Variants in SGCZ observed in about 807,000 individuals in gnomAD.
SGCZ encodes the protein zeta-sarcoglycan.
SGCZ carries 40 observed loss-of-function variants against 41.3 expected under a neutral mutation model. That is an observed-to-expected ratio of 0.97 (90% CI 0.75 to 1.26). SGCZ has a LOEUF of 1.26. Among genes scored for constraint, SGCZ ranks in the 50% most tolerant of loss-of-function variants. The pLI, the probability that SGCZ is intolerant of heterozygous loss-of-function variation, is 0.00. For synonymous variants in SGCZ, 206 were observed against 137.5 expected, an observed-to-expected ratio of 1.50 and a Z score of -3.49; for missense variants, 552 against 369.8, an observed-to-expected ratio of 1.49 and a Z score of -4.04.
chr8:14,190,797 T>A (rs528331525), intron 4 of SGCZ, among the ~76,000 whole-genome samples: 24 of 151,908 alleles, frequency 1.6e-4, no homozygotes, highest in Non-Finnish European at 2.9e-4. Context: ...AGAGACGGCG[T>A]TTCACTGTGT....
chr8:15,129,902 G>A (rs996422496), intron 1 of SGCZ, among the ~76,000 whole-genome samples: 4 of 151,898 alleles, frequency 2.6e-5, no homozygotes, highest in Non-Finnish European at 5.9e-5. Context: ...CTTGTTTTAT[G>A]AAGTCGGATA....
chr8:14,637,438 G>A lies in SGCZ; in HGVS notation c.40-82512C>T, dbSNP rs865791725. Among the ~76,000 whole-genome samples the A allele has an allele frequency of 4.9e-4, 75 of 151,720 alleles. No homozygotes were observed. The Middle Eastern group carries it at 0.014, about 28-fold the overall frequency. On this transcript the variant is annotated intron_variant, in intron 1 of 7. Transcript: ENST00000382080. ...TCACTCAGATAATGAACATAGTACA[G>A]AATAGGCGATTTTTCAACCCACATA...
intron 1 of SGCZ, among the ~76,000 whole-genome samples, chr8:14,961,864 T>C (rs904795351): frequency 3.9e-5 from 6 of 152,180 alleles, no homozygotes; most frequent in African/African-American, 1.4e-4. Context: ...TATATGGCAA[T>C]AGGGCCGCAA....
chr8:14,326,111 C>CAAAAAAAAA lies in SGCZ; in HGVS notation c.235-1916_235-1908dup, dbSNP rs56152915. 1.6e-3 allele frequency among the ~76,000 whole-genome samples: 59 copies of CAAAAAAAAA among 37,902 alleles called. 13 individuals carry two copies. Among genetic ancestry groups the CAAAAAAAAA allele is most frequent in the African/African-American group, 5.3e-3 (52 of 9,750 alleles). The allele number at this position is 37,902 out of a possible 152,430, so 24.9% of individuals were successfully genotyped here. A position where few individuals can be genotyped will look rare whatever the true frequency, so the allele number is the denominator to read the frequency against. Reference sequence around the variant, plus strand: ...TGGGCGAAAGAGTGAGACTCCGTCTCAAAAAAAAAAAAAAAAAAAGATGAG... The same window carrying CAAAAAAAAA: ...TGGGCGAAAGAGTGAGACTCCGTCTCAAAAAAAAAAAAAAAAAAAAAAAAAAAAGATGAG... On this transcript the variant is annotated intron_variant, in intron 2 of 7. Transcript: ENST00000382080.
intron 1 of SGCZ, among the ~76,000 whole-genome samples, chr8:14,656,781 T>G (rs1807592649): frequency 6.6e-6 from 1 of 151,942 alleles, no homozygotes; most frequent in South Asian, 2.1e-4. Flanking sequence ...AAACAACATT[T>G]TTTCTAAAAT....
intron 2 of SGCZ, among the ~76,000 whole-genome samples, chr8:14,545,790 T>C (rs1803608334): frequency 6.6e-6 from 1 of 152,226 alleles, no homozygotes; most frequent in Non-Finnish European, 1.5e-5. Flanking sequence ...CTAATTTCTG[T>C]ATTTTTTTAT....
chr8:14,089,980 A>T lies in SGCZ; in HGVS notation c.*463T>A, dbSNP rs998283461. 2 of 152,790 alleles carry T rather than the reference A, an allele frequency of 1.3e-5. No individual in the cohort carries two copies. Among genetic ancestry groups the T allele is most frequent in the African/African-American group, 4.8e-5 (2 of 41,452 alleles). 9.5% of individuals were successfully genotyped at this position (152,790 alleles called of 1,614,324 possible). A position where few individuals can be genotyped will look rare whatever the true frequency, so the allele number is the denominator to read the frequency against. ...TGCTTTAAAATTTTAAAAGTCGGGG[A>T]TAAAAGTTTACATCCAAAAAGATGA... On this transcript the variant is annotated 3_prime_UTR_variant, in exon 8 of 8. Coordinates refer to ENST00000382080, the MANE Select transcript of SGCZ (RefSeq NM_139167.4).
chr8:14,385,819 C>T (rs968251562), intron 2 of SGCZ, among the ~76,000 whole-genome samples: 4 of 152,134 alleles, frequency 2.6e-5, no homozygotes, highest in Non-Finnish European at 4.4e-5. Context: ...TACACTCACT[C>T]CTTAGTATCT....
intron 2 of SGCZ, among the ~76,000 whole-genome samples, chr8:14,412,202 A>G (rs533075737): frequency 1.3e-5 from 2 of 152,192 alleles, no homozygotes; most frequent in South Asian, 4.1e-4. Context: ...CCGGAATGCA[A>G]ACCTTAACTC....
intron 4 of SGCZ, among the ~76,000 whole-genome samples, chr8:14,166,542 T>C (rs1804216328): frequency 6.6e-6 from 1 of 152,160 alleles, no homozygotes; most frequent in Non-Finnish European, 1.5e-5. Flanking sequence ...ATAGATATCT[T>C]ACACATAAAA....
intron 1 of SGCZ, among the ~76,000 whole-genome samples, chr8:14,799,663 G>A (rs1198537930): frequency 4.6e-5 from 7 of 151,288 alleles, no homozygotes; most frequent in Non-Finnish European, 8.8e-5. Context: ...GAGGAAGGAG[G>A]GAGCGGCAAG....
At chr8:14,950,265 A>G (rs1800589749) in intron 1 of SGCZ, among the ~76,000 whole-genome samples, 1 of 152,028 alleles carries the variant, frequency 6.6e-6, no homozygotes, top group African/African-American at 2.4e-5. Flanking sequence ...GTAGGAACAA[A>G]CCAAATGATG....
At chr8:15,196,126 T>A (rs1047058546) in intron 1 of SGCZ, among the ~76,000 whole-genome samples, 10 of 151,188 alleles carry the variant, frequency 6.6e-5, no homozygotes, top group African/African-American at 2.2e-4. Context: ...CTCGATCTCC[T>A]GACCTCGTGA....
chr8:14,354,796 T>A (rs1210610821), intron 2 of SGCZ, among the ~76,000 whole-genome samples: 1 of 151,836 alleles, frequency 6.6e-6, no homozygotes, highest in East Asian at 1.9e-4. Flanking sequence ...CTTTAAATTC[T>A]CATAATTTGT....
chr8:15,167,903 T>C (rs995362784), intron 1 of SGCZ, among the ~76,000 whole-genome samples: 1 of 152,202 alleles, frequency 6.6e-6, no homozygotes, highest in Admixed American at 6.5e-5. Context: ...CCAATGATCC[T>C]GCAAATCCTG....
At chr8:14,094,336 T>G (rs1441454569) in intron 7 of SGCZ, among the ~76,000 whole-genome samples, 1 of 151,870 alleles carries the variant, frequency 6.6e-6, no homozygotes, top group Non-Finnish European at 1.5e-5. Flanking sequence ...TTCCCCTCCC[T>G]GTGTCCATGT....
rs117483446 is a variant in SGCZ, at chr8:15,188,915, A to G, written c.39+48670T>C. Among the ~76,000 whole-genome samples, 14 of 152,266 alleles carry G rather than the reference A, an allele frequency of 9.2e-5. No individual in the cohort carries two copies. The East Asian group carries it at 2.7e-3, about 29-fold the overall frequency. ...AAAAGAAGAAAGAAGCTACAAAATA[A>G]TATGATAAAATCTCCCCTTTTTTGC... On this transcript the variant is annotated intron_variant, in intron 1 of 7. Transcript: ENST00000382080.
At chr8:14,739,213 T>C (rs1799131805) in intron 1 of SGCZ, among the ~76,000 whole-genome samples, 1 of 152,058 alleles carries the variant, frequency 6.6e-6, no homozygotes, top group Non-Finnish European at 1.5e-5. Flanking sequence ...AGAGTCATTA[T>C]GATAAAGGGC....
chr8:14,942,461 T>G (rs1393181061), intron 1 of SGCZ, among the ~76,000 whole-genome samples: 2 of 152,090 alleles, frequency 1.3e-5, no homozygotes, highest in Non-Finnish European at 2.9e-5. Context: ...ATCCACAAGT[T>G]TCCTATAGGA....
Sources: allele counts gnomAD v4.1 joint callset (sites outside exome capture counted in the v4.1 genomes callset), GRCh38; gene constraint gnomAD v4.1.1; transcripts MANE v1.5; gene names NCBI Gene and HGNC (gene_info 2026-07-23, HGNC 2026-07-21).